The following HPF1 variants were observed in gnomAD, a reference collection of about 807,000 sequenced individuals.
HPF1 encodes the protein UPF0609 protein C4orf27.
HPF1 carries 35 observed loss-of-function variants against 38.8 expected under a neutral mutation model. The ratio of observed to expected loss-of-function variants is 0.90; its 90% CI spans 0.69 to 1.19. The LOEUF (loss-of-function observed/expected upper bound fraction) is 1.19. Ranked by LOEUF, HPF1 falls within the 50% of genes most tolerant of loss-of-function variation. The pLI, the probability that HPF1 is intolerant of heterozygous loss-of-function variation, is 0.00. For missense variants in HPF1, 367 were observed against 405.8 expected (o/e 0.90, Z 0.82); for synonymous variants, 115 against 139.2 (o/e 0.83, Z 1.22).
At chr4:169,733,549 T>A (rs1422172298) in intron 6 of HPF1, among the ~76,000 whole-genome samples, 1 of 152,188 alleles carries the variant, frequency 6.6e-6, no homozygotes, top group Admixed American at 6.5e-5. Context: ...ATTCTATGTA[T>A]GAGGCACAAC....
chr4:169,752,626 T>A (rs551553373), intron 2 of HPF1, among the ~76,000 whole-genome samples: 1 of 152,324 alleles, frequency 6.6e-6, no homozygotes, highest in South Asian at 2.1e-4. Flanking sequence ...TACACTCTTC[T>A]TTTTCACTTA....
At chr4:169,732,833 CTACTT>C (rs1013829553) in intron 6 of HPF1, among the ~76,000 whole-genome samples, 81 of 152,162 alleles carry the variant, frequency 5.3e-4, no homozygotes, top group African/African-American at 1.9e-3. Context: ...TACATAGTGT[CTACTT>C]TATATTAGGT....
chr4:169,750,809 T>C lies in HPF1; in HGVS notation c.209-84A>G, dbSNP rs954137559. ...TATTTAGTAAACTATTTCTAAGCAA[T>C]TGTCTTTAAAAAGTTTCTAAACTAA... On this transcript the variant is annotated intron_variant, in intron 2 of 7. Coordinates refer to ENST00000393381, the MANE Select transcript of HPF1 (RefSeq NM_017867.3). 1.7e-5 allele frequency: 18 copies of C among 1,063,312 alleles called. No homozygotes were observed. In the African/African-American group the frequency reaches 2.7e-4, roughly 16 times the overall value. The allele number at this position is 1,063,312 out of a possible 1,614,324, so 65.9% of individuals were successfully genotyped here.
At chr4:169,731,948 A>T in intron 6 of HPF1, 72 bp from the exon 7 acceptor site, 2 of 1,302,210 alleles carry the variant, frequency 1.5e-6, no homozygotes, top group Non-Finnish European at 2.2e-6. Context: ...AAGTAAGAAG[A>T]TTATAAAGAG....
At chr4:169,738,001 C>G (rs1297623206) in intron 5 of HPF1, among the ~76,000 whole-genome samples, 1 of 152,096 alleles carries the variant, frequency 6.6e-6, no homozygotes, top group East Asian at 1.9e-4. Context: ...ACTTGGAAGT[C>G]TGCACCCTGA....
intron 4 of HPF1, among the ~76,000 whole-genome samples, chr4:169,743,409 C>CTTTTTTTTTTTTTTTTTTT (rs34941625): frequency 1.4e-5 from 1 of 69,714 alleles, no homozygotes; most frequent in Non-Finnish European, 2.4e-5. Flanking sequence ...TGCCCCTGGC[C>CTTTTTTTTTTTTTTTTTTT]TTTTTTTTTT....
chr4:169,747,433 G>C (rs1211660139), intron 4 of HPF1, among the ~76,000 whole-genome samples: 2 of 152,114 alleles, frequency 1.3e-5, no homozygotes, highest in African/African-American at 4.8e-5. Context: ...GGGTGATTTA[G>C]TTTGAATTCA....
intron 6 of HPF1, 77 bp downstream of exon 6, chr4:169,737,583 C>A (rs1014804150): frequency 3.3e-6 from 3 of 920,906 alleles, no homozygotes; most frequent in South Asian, 1.3e-5. Context: ...TATAGACATA[C>A]CTACTTCCCA....
intron 6 of HPF1, among the ~76,000 whole-genome samples, chr4:169,737,373 C>G (rs1231418934): frequency 3.3e-5 from 5 of 150,962 alleles, no homozygotes; most frequent in Non-Finnish European, 7.4e-5. Flanking sequence ...TATTTTAATA[C>G]TTGTTTACAC....
chr4:169,741,120 G>T (rs572443089), intron 5 of HPF1, among the ~76,000 whole-genome samples: 123 of 152,274 alleles, frequency 8.1e-4, no homozygotes, highest in African/African-American at 2.8e-3. Flanking sequence ...CCTAGAACTT[G>T]ATACAAATGT....
rs34941625 is a variant in HPF1, at chr4:169,743,409, CTTTTTT to C, written c.498-1308_498-1303del. Among the ~76,000 whole-genome samples the C allele has an allele frequency of 2.2e-4, 15 of 69,740 alleles. No individual in the cohort carries two copies. The Admixed American group carries it at 2.4e-3, about 11-fold the overall frequency. 45.8% of individuals were successfully genotyped at this position (69,740 alleles called of 152,430 possible). On this transcript the variant is annotated intron_variant, in intron 4 of 7. Coordinates refer to ENST00000393381, the MANE Select transcript of HPF1 (RefSeq NM_017867.3). ...ACAGGCGTGAGCCACTGCCCCTGGC[CTTTTTT>C]TTTTTTTTTTTTTTTTTTTCATTTT...
chr4:169,748,623 C>T (rs951810085), intron 4 of HPF1, 121 bp downstream of exon 4: 9 of 517,234 alleles, frequency 1.7e-5, no homozygotes, highest in African/African-American at 6.1e-5. Flanking sequence ...CTGCCCACCT[C>T]GGCCTCCCAA....
chr4:169,757,679 G>T, intron 1 of HPF1, 151 bp downstream of exon 1: 1 of 755,406 alleles, frequency 1.3e-6, no homozygotes, highest in South Asian at 1.5e-5. Flanking sequence ...GCGCGAAACA[G>T]CGGCCCTGGG....
chr4:169,738,960 T>C (rs1292669614), intron 5 of HPF1, among the ~76,000 whole-genome samples: 10 of 106,810 alleles, frequency 9.4e-5, no homozygotes, highest in Admixed American at 2.3e-4. Flanking sequence ...GGACACAGAG[T>C]GGGGAACATC....
rs115403509 is a variant in HPF1 at position 169,754,707 on chromosome 4, C to T, written c.49-872G>A. 6.1e-3 allele frequency among the ~76,000 whole-genome samples: 931 copies of T among 152,170 alleles called. 7 individuals carry two copies. The highest frequency in any genetic ancestry group is 0.021 in the African/African-American group (887 of 41,518). On this transcript the variant is annotated intron_variant, in intron 1 of 7. Transcript: ENST00000393381. Reference sequence around the variant, plus strand: ...CCTACCTAGAGCAGTGGTTCTCAACCGGTGGTGATTTTGCCCCCCAGGGGA... The same window carrying T: ...CCTACCTAGAGCAGTGGTTCTCAACTGGTGGTGATTTTGCCCCCCAGGGGA...
intron 2 of HPF1, among the ~76,000 whole-genome samples, chr4:169,751,402 CAAAAAAAAA>C (rs55661737): frequency 4.2e-5 from 3 of 71,156 alleles, no homozygotes; most frequent in Non-Finnish European, 9.4e-5. Context: ...GGCTCTGTCT[CAAAAAAAAA>C]AAAAAAAAAA....
intron 6 of HPF1, among the ~76,000 whole-genome samples, chr4:169,736,638 C>G (rs748944520): frequency 2.6e-4 from 40 of 152,254 alleles, no homozygotes; most frequent in Non-Finnish European, 4.9e-4. Context: ...AGGTCACAAC[C>G]CCCAGAGACT....
intron 5 of HPF1, among the ~76,000 whole-genome samples, chr4:169,741,510 C>T (rs1160762841): frequency 6.6e-6 from 1 of 152,122 alleles, no homozygotes; most frequent in Admixed American, 6.5e-5. Flanking sequence ...AAATACTCCC[C>T]TCATATTGCA....
chr4:169,738,924 G>A lies in HPF1; in HGVS notation c.649-1177C>T, dbSNP rs1414268185. 4.0e-5 allele frequency among the ~76,000 whole-genome samples: 6 copies of A among 151,646 alleles called. No individual in the cohort carries two copies. The East Asian group carries it at 1.2e-3, about 30-fold the overall frequency. ...AAACACTACATGTTCTCACTCATAG[G>A]TGGGAATTGAACAATGAGAACACTT... On this transcript the variant is annotated intron_variant, in intron 5 of 7. Transcript: ENST00000393381.
Sources: gnomAD v4.1 joint callset for allele counts (sites outside exome capture counted in the v4.1 genomes callset) on GRCh38, gnomAD v4.1.1 for gene constraint, MANE v1.5 for transcripts, NCBI Gene and HGNC (gene_info 2026-07-23, HGNC 2026-07-21) for gene names.